GPR35: variants seen among roughly 807,000 people sequenced by gnomAD.
The protein encoded by GPR35 is KYNA receptor.
For missense variants in GPR35, 372 were observed against 422.5 expected (o/e 0.88, Z 1.05); for synonymous variants, 207 against 198.4 (o/e 1.04, Z -0.36).
chr2:240,626,733 C>T (rs1417339168), intron 1 of GPR35, among the ~76,000 whole-genome samples: 1 of 152,136 alleles, frequency 6.6e-6, no homozygotes, highest in East Asian at 1.9e-4. Flanking sequence ...ACGGGGGACT[C>T]TGGTGCCTGG....
intron 2 of GPR35, among the ~76,000 whole-genome samples, chr2:240,613,975 T>C (rs1362013662): frequency 6.6e-6 from 1 of 151,328 alleles, no homozygotes; most frequent in Non-Finnish European, 1.5e-5. Flanking sequence ...ACCTTAACCC[T>C]AACCATAACA....
rs896505177 is a variant in GPR35, at chr2:240,626,857, C to T, written c.-5+1289C>T. ...CTGGGGTCTGGGCGGGTCCCGGGTC[C>T]AGACAGGGGGAAGGGCTGGGGAGGG... On this transcript the variant is annotated intron_variant, in intron 1 of 1. Coordinates refer to ENST00000407714, the MANE Select transcript of GPR35 (RefSeq NM_005301.5). 2.0e-5 allele frequency among the ~76,000 whole-genome samples: 3 copies of T among 152,182 alleles called. No homozygotes were observed. The South Asian group carries it at 6.2e-4, about 31-fold the overall frequency.
intron 2 of GPR35, among the ~76,000 whole-genome samples, chr2:240,615,392 C>T (rs773831349): frequency 6.6e-6 from 1 of 152,224 alleles, no homozygotes; most frequent in African/African-American, 2.4e-5. Context: ...TCTTCTCCTG[C>T]ACTGCCGTGG....
In GPR35 at chr2:240,625,531, G is replaced by A; in HGVS notation, c.-42G>A. The stretch of plus-strand genomic sequence containing the variant: ...CACTGTGCAGGCTTTGGCAGCGGGG[G>A]TCACACACTCCACCCGGGAGGCCAA... On this transcript the variant is annotated 5_prime_UTR_variant, in exon 1 of 2. Transcript: ENST00000407714. The A allele has an allele frequency of 2.0e-6, 2 of 986,008 alleles. No individual in the cohort carries two copies. Among genetic ancestry groups the A allele is most frequent in the South Asian group, 4.7e-5 (1 of 21,356 alleles). The allele number at this position is 986,008 out of a possible 1,614,324, so 61.1% of individuals were successfully genotyped here. A position where few individuals can be genotyped will look rare whatever the true frequency, so the allele number is the denominator to read the frequency against.
chr2:240,630,457 A>G lies in GPR35; in HGVS notation c.505A>G (p.Asn169Asp), dbSNP rs61734452. ...GGFCFRSTRH[N>D]FNSMAFPLLG... ...CTTCTGCTTCAGGAGCACCCGGCAC[A>G]ATTTCAACTCCATGGCGTTCCCGCT... is the stretch of plus-strand genomic sequence containing the variant. Residue 169 changes from asparagine to aspartate, a missense_variant, in exon 2 of 2, where the codon AAT becomes GAT. Transcript: ENST00000407714. 4,871 of 1,612,862 alleles carry G rather than the reference A, an allele frequency of 3.0e-3. 23 individuals carry two copies. Among genetic ancestry groups the G allele is most frequent in the Non-Finnish European group, 3.6e-3 (4,276 of 1,179,950 alleles).
chr2:240,618,259 A>G (rs2043258641), intron 4 of GPR35, among the ~76,000 whole-genome samples: 1 of 152,250 alleles, frequency 6.6e-6, no homozygotes, highest in African/African-American at 2.4e-5. Flanking sequence ...TATTTTCAAA[A>G]TGACTTTACC....
chr2:240,612,672 G>A (rs1313313507), intron 2 of GPR35, among the ~76,000 whole-genome samples: 1 of 152,210 alleles, frequency 6.6e-6, no homozygotes, highest in Non-Finnish European at 1.5e-5. Context: ...TCTTTCAGAG[G>A]AATTTGCAAG....
At chr2:240,611,681 TGTG>T (rs2043183298) in intron 2 of GPR35, among the ~76,000 whole-genome samples, 1 of 152,130 alleles carries the variant, frequency 6.6e-6, no homozygotes, top group Non-Finnish European at 1.5e-5. Context: ...GGCTGGATGA[TGTG>T]GTCAGTTTTG....
upstream of GPR35, among the ~76,000 whole-genome samples, chr2:240,621,675 GTCTC>G (rs1454933924): frequency 2.0e-5 from 3 of 148,996 alleles, no homozygotes; most frequent in East Asian, 5.8e-4. Context: ...TGCTTCGTGG[GTCTC>G]ACTCAGGAAG....
chr2:240,630,514 GTCT>G lies in GPR35; in HGVS notation c.566_568del (p.Phe189del). On this transcript the variant is annotated inframe_deletion, in exon 2 of 2. Coordinates refer to ENST00000407714, the MANE Select transcript of GPR35 (RefSeq NM_005301.5). ...ATTCTACCTGCCCCTGGCCGTGGTG[GTCT>G]TCTGCTCCCTGAAGGTGGTGACTGC... 1 of 1,612,914 alleles carries G rather than the reference GTCT, an allele frequency of 6.2e-7. No individual in the cohort carries two copies. The highest frequency in any genetic ancestry group is 1.7e-5 in the Admixed American group (1 of 60,028).
upstream of GPR35, among the ~76,000 whole-genome samples, chr2:240,624,007 G>T (rs929436432): frequency 6.7e-6 from 1 of 148,418 alleles, no homozygotes; most frequent in East Asian, 2.0e-4. Context: ...CTGGCCTGGT[G>T]GTGGGGGGGG....
In GPR35 at chr2:240,631,889, T is replaced by C. The variant is rs1424551792; in HGVS notation, c.*1007T>C. Among the ~76,000 whole-genome samples, 2 of 152,236 alleles carry C rather than the reference T, an allele frequency of 1.3e-5. No individual in the cohort carries two copies. Among genetic ancestry groups the C allele is most frequent in the Non-Finnish European group, 2.9e-5 (2 of 68,030 alleles). ...AGGCACCGCCCCACCCTGTTCCATG[T>C]TCCACAGGACTGGAGAGAGATGGCA... On this transcript the variant is annotated 3_prime_UTR_variant, in exon 2 of 2. Transcript: ENST00000407714.
exon 4 of GPR35, chr2:240,617,263 C>T (rs17846968): frequency 2.6e-5 from 18 of 701,412 alleles, no homozygotes; most frequent in Non-Finnish European, 4.2e-5. Flanking sequence ...GAGACTGCAG[C>T]CCCGGCTGAC....
In GPR35 at chr2:240,630,458, A is replaced by G; in HGVS notation, c.506A>G (p.Asn169Ser). Residue 169 changes from asparagine to serine, a missense_variant, in exon 2 of 2, where the codon AAT becomes AGT. Asn to Ser is a conservative substitution (Grantham distance 46). Coordinates refer to ENST00000407714, the MANE Select transcript of GPR35 (RefSeq NM_005301.5). ...TTCTGCTTCAGGAGCACCCGGCACA[A>G]TTTCAACTCCATGGCGTTCCCGCTG... is the stretch of plus-strand genomic sequence containing the variant. ...GGFCFRSTRH[N>S]FNSMAFPLLG... 6.2e-7 allele frequency: 1 copy of G among 1,612,802 alleles called. No homozygotes were observed. The highest frequency in any genetic ancestry group is 1.7e-5 in the Admixed American group (1 of 60,022).
intron 2 of GPR35, among the ~76,000 whole-genome samples, chr2:240,609,145 A>AT (rs896820962): frequency 4.7e-5 from 7 of 149,986 alleles, no homozygotes; most frequent in Non-Finnish European, 7.4e-5. Context: ...AGCTTTCTCA[A>AT]TTTTTTTTTC....
chr2:240,611,268 A>G (rs1377757622), intron 2 of GPR35, among the ~76,000 whole-genome samples: 2 of 152,096 alleles, frequency 1.3e-5, no homozygotes, highest in Non-Finnish European at 2.9e-5. Context: ...GTGCCTGGCC[A>G]ATAGTCTTTG....
At position 240,625,580 on chromosome 2, in the gene GPR35, C is replaced by T; in HGVS notation, c.-5+12C>T. On this transcript the variant is annotated intron_variant, in intron 1 of 1. Coordinates refer to ENST00000407714, the MANE Select transcript of GPR35 (RefSeq NM_005301.5). ...AAAGCTGCCTGCAGGTCAGTGCCGC[C>T]CACTGCCCTAGGGGCCTCCCAGCGG... 1.0e-6 allele frequency: 1 copy of T among 982,718 alleles called. No individual in the cohort carries two copies. 60.9% of individuals were successfully genotyped at this position (982,718 alleles called of 1,614,324 possible).
upstream of GPR35, among the ~76,000 whole-genome samples, chr2:240,622,125 C>T (rs2043302903): frequency 6.6e-6 from 1 of 152,136 alleles, no homozygotes; most frequent in Non-Finnish European, 1.5e-5. Flanking sequence ...AGCCAACCTC[C>T]CACCTTGGCC....
At chr2:240,610,190 C>T (rs998355428) in intron 2 of GPR35, among the ~76,000 whole-genome samples, 6 of 152,140 alleles carry the variant, frequency 3.9e-5, no homozygotes, top group Non-Finnish European at 7.3e-5. Flanking sequence ...AAGCTCCTGA[C>T]CTTGTGGTCT....
Sources: gnomAD v4.1 joint callset for allele counts (sites outside exome capture counted in the v4.1 genomes callset) on GRCh38, gnomAD v4.1.1 for gene constraint, MANE v1.5 for transcripts, NCBI Gene and HGNC (gene_info 2026-07-23, HGNC 2026-07-21) for gene names.